Variants in ZNF652 observed in about 807,000 individuals in gnomAD.
ZNF652 encodes zinc finger protein 652.
Under a neutral mutation model 45.2 loss-of-function variants are expected in ZNF652, and 16 were observed. The observed-to-expected ratio is 0.35, with a 90% CI of 0.24 to 0.54. The LOEUF is 0.54. Ranked by LOEUF, ZNF652 falls within the 20% of genes least tolerant of loss-of-function variation. The pLI, the probability that ZNF652 is intolerant of heterozygous loss-of-function variation, is 0.91. For missense variants in ZNF652, 614 were observed against 765.6 expected (o/e 0.80, Z 2.34); for synonymous variants, 250 against 260.6 (o/e 0.96, Z 0.39).
chr17:49,346,859 T>C (rs988038880), intron 1 of ZNF652, among the ~76,000 whole-genome samples: 1 of 152,320 alleles, frequency 6.6e-6, no homozygotes, highest in South Asian at 2.1e-4. Flanking sequence ...CCTATCTTAG[T>C]ACTGAGAACA....
intron 1 of ZNF652, among the ~76,000 whole-genome samples, chr17:49,342,110 C>T (rs1172765073): frequency 2.0e-5 from 3 of 151,550 alleles, no homozygotes; most frequent in Non-Finnish European, 2.9e-5. Flanking sequence ...CGCTTTAACC[C>T]GGGAGGCAGA....
At chr17:49,316,291 C>T (rs996328986) in intron 2 of ZNF652, among the ~76,000 whole-genome samples, 2 of 152,194 alleles carry the variant, frequency 1.3e-5, no homozygotes, top group African/African-American at 4.8e-5. Flanking sequence ...TTGCATATTC[C>T]CATGGGCTCA....
rs777830455 is a variant in ZNF652, at chr17:49,294,255, A to G, written c.*4158T>C. On this transcript the variant is annotated 3_prime_UTR_variant, in exon 6 of 6. Coordinates refer to ENST00000430262, the MANE Select transcript of ZNF652 (RefSeq NM_001145365.3). ...TATGAGGGACAATCAAATTATAGGG[A>G]CAGTTCTAACCACTAGAAAAGGATA... Among the ~76,000 whole-genome samples the G allele has an allele frequency of 6.6e-6, 1 of 152,202 alleles. No homozygotes were observed. The highest frequency in any genetic ancestry group is 1.5e-5 in the Non-Finnish European group (1 of 68,024).
chr17:49,336,965 T>TTTA lies in ZNF652; in HGVS notation c.-258-18983_-258-18982insTAA, dbSNP rs66568404. On this transcript the variant is annotated intron_variant, in intron 1 of 5. Transcript: ENST00000430262. ...GTGTTTTTTTTTTTTTTTTTTTTTT[T>TTTA]AAGTATGTAAGTCACAGGTTGAGTG... Among the ~76,000 whole-genome samples the TTTA allele has an allele frequency of 3.2e-3, 364 of 114,744 alleles. 3 individuals are homozygous for TTTA. The highest frequency in any genetic ancestry group is 0.01 in the African/African-American group (316 of 30,812). The allele number at this position is 114,744 out of a possible 152,430, so 75.3% of individuals were successfully genotyped here.
Position 49,293,230 on chromosome 17 carries a change from A to C in ZNF652, c.*5183T>G, listed in dbSNP as rs763628625. Among the ~76,000 whole-genome samples the C allele has an allele frequency of 3.9e-5, 6 of 152,360 alleles. No individual in the cohort carries two copies. The highest frequency in any genetic ancestry group is 7.3e-5 in the Non-Finnish European group (5 of 68,030). ...TGAACAAGAAACAGTTTGTTTTCCA[A>C]ATATGTATGTCTGCAAAGTATTCTG... On this transcript the variant is annotated 3_prime_UTR_variant, in exon 6 of 6. Coordinates refer to ENST00000430262, the MANE Select transcript of ZNF652 (RefSeq NM_001145365.3).
chr17:49,344,275 G>T (rs1470071495), intron 1 of ZNF652, among the ~76,000 whole-genome samples: 2 of 151,646 alleles, frequency 1.3e-5, no homozygotes, highest in Non-Finnish European at 2.9e-5. Context: ...TGAGGCAGGA[G>T]GATCACTGAA....
chr17:49,321,696 TATG>T (rs1475168344), intron 1 of ZNF652, among the ~76,000 whole-genome samples: 1 of 152,054 alleles, frequency 6.6e-6, no homozygotes, highest in Non-Finnish European at 1.5e-5. Context: ...GCCTAAAATA[TATG>T]ATGAAGCCTT....
In ZNF652 at chr17:49,293,543, G is replaced by C. The variant is rs184481279; in HGVS notation, c.*4870C>G. 2.5e-3 allele frequency among the ~76,000 whole-genome samples: 382 copies of C among 151,480 alleles called. 8 individuals carry two copies. Among genetic ancestry groups the C allele is most frequent in the Admixed American group, 0.024 (357 of 15,154 alleles). ...TTTATCGAGGTAGTGTCCAGGGTTG[G>C]AAGGTCATCATTCTTTATTGTAAGT... On this transcript the variant is annotated 3_prime_UTR_variant, in exon 6 of 6. Transcript: ENST00000430262.
intron 1 of ZNF652, among the ~76,000 whole-genome samples, chr17:49,345,415 T>C (rs1249687420): frequency 6.6e-6 from 1 of 151,190 alleles, no homozygotes; most frequent in Admixed American, 6.6e-5. Flanking sequence ...GTTGGCCAGC[T>C]AGTCGAGAAA....
intron 1 of ZNF652, among the ~76,000 whole-genome samples, chr17:49,336,823 T>A (rs955823444): frequency 6.6e-6 from 1 of 151,432 alleles, no homozygotes; most frequent in Non-Finnish European, 1.5e-5. Flanking sequence ...AGAGATGGAG[T>A]TTCATCATGT....
chr17:49,329,710 T>C (rs969547322), intron 1 of ZNF652, among the ~76,000 whole-genome samples: 2 of 152,220 alleles, frequency 1.3e-5, no homozygotes, highest in Non-Finnish European at 2.9e-5. Flanking sequence ...TAAAATTTCA[T>C]TGTAGTTTTT....
At chr17:49,312,655 C>A in intron 3 of ZNF652, 43 bp downstream of exon 3, 2 of 1,595,264 alleles carry the variant, frequency 1.3e-6, no homozygotes, top group Non-Finnish European at 1.7e-6. Flanking sequence ...CACAGAAGAA[C>A]AAGGGAAAAT....
intron 1 of ZNF652, among the ~76,000 whole-genome samples, chr17:49,345,767 G>GA (rs1426860252): frequency 6.7e-6 from 1 of 149,788 alleles, no homozygotes; most frequent in African/African-American, 2.5e-5. Context: ...CGTGAACCCA[G>GA]AAGGCAGAGT....
chr17:49,359,479 C>A (rs1030589783), intron 1 of ZNF652, among the ~76,000 whole-genome samples: 1 of 152,066 alleles, frequency 6.6e-6, no homozygotes, highest in African/African-American at 2.4e-5. Flanking sequence ...CTTCTCAGAA[C>A]CCCCCAGATG....
At position 49,296,225 on chromosome 17, in the gene ZNF652, C is replaced by T. The variant is rs1413551860; in HGVS notation, c.*2188G>A. 1.3e-5 allele frequency: 2 copies of T among 152,450 alleles called. No homozygotes were observed. Among genetic ancestry groups the T allele is most frequent in the Non-Finnish European group, 2.9e-5 (2 of 68,006 alleles). The allele number at this position is 152,450 out of a possible 1,614,324, so 9.4% of individuals were successfully genotyped here. A position where few individuals can be genotyped will look rare whatever the true frequency, so the allele number is the denominator to read the frequency against. On this transcript the variant is annotated 3_prime_UTR_variant, in exon 6 of 6. Coordinates refer to ENST00000430262, the MANE Select transcript of ZNF652 (RefSeq NM_001145365.3). Reference sequence around the variant, plus strand: ...AGAATGTGTACAAATATTAAAAATACCATTCTTTAAAACTTACATCCAAAA... The same window carrying T: ...AGAATGTGTACAAATATTAAAAATATCATTCTTTAAAACTTACATCCAAAA...
chr17:49,341,632 C>G (rs1056060411), intron 1 of ZNF652, among the ~76,000 whole-genome samples: 3 of 151,746 alleles, frequency 2.0e-5, no homozygotes, highest in East Asian at 3.9e-4. Flanking sequence ...CCACTACACT[C>G]TGGCCTGGGC....
chr17:49,307,508 A>G (rs1188315698), intron 5 of ZNF652, among the ~76,000 whole-genome samples: 1 of 149,334 alleles, frequency 6.7e-6, no homozygotes, highest in Non-Finnish European at 1.5e-5. Flanking sequence ...TTGGGAGGTC[A>G]AGGCGGGCAG....
intron 1 of ZNF652, among the ~76,000 whole-genome samples, chr17:49,355,086 G>A (rs1312174221): frequency 1.3e-5 from 2 of 152,096 alleles, no homozygotes; most frequent in South Asian, 2.1e-4. Context: ...TCAACCAATT[G>A]ATTGACAGGT....
intron 5 of ZNF652, among the ~76,000 whole-genome samples, chr17:49,302,833 G>T (rs375815666): frequency 2.0e-5 from 3 of 151,680 alleles, no homozygotes; most frequent in Non-Finnish European, 2.9e-5. Context: ...GTGGTGGCAC[G>T]CACCTGTAGT....
Sources: allele counts gnomAD v4.1 joint callset (sites outside exome capture counted in the v4.1 genomes callset), GRCh38; gene constraint gnomAD v4.1.1; transcripts MANE v1.5; gene names NCBI Gene and HGNC (gene_info 2026-07-23, HGNC 2026-07-21).